FGF1: variants seen among roughly 807,000 people sequenced by gnomAD.
FGF1 encodes beta-endothelial cell growth factor.
In FGF1, 9 loss-of-function variants were observed where a neutral mutation model predicts 13.4. The observed-to-expected ratio is 0.67, with a 90% confidence interval of 0.40 to 1.17. The LOEUF is 1.17. Ranked by LOEUF, FGF1 falls within the 50% of genes most tolerant of loss-of-function variation. FGF1 has a pLI of 0.01. For missense variants in FGF1, 156 were observed against 192.7 expected (o/e 0.81, Z 1.13); for synonymous variants, 93 against 79.0 (o/e 1.18, Z -0.94).
chr5:142,634,284 A>G lies in FGF1; in HGVS notation c.-34-20123T>C, dbSNP rs537654293. On this transcript the variant is annotated intron_variant, in intron 1 of 3. Transcript: ENST00000337706. ...TTTATCCACTGTGACCACATCTCCC[A>G]CTTATTAAATGCAGGGCTTTTGTGC... is the stretch of plus-strand genomic sequence containing the variant. Among the ~76,000 whole-genome samples, 3 of 151,814 alleles carry G rather than the reference A, an allele frequency of 2.0e-5. 1 individual carries two copies. In the South Asian group the frequency reaches 6.3e-4, roughly 32 times the overall value.
chr5:142,662,813 T>A (rs1769510163), intron 1 of FGF1, among the ~76,000 whole-genome samples: 1 of 152,096 alleles, frequency 6.6e-6, no homozygotes, highest in Non-Finnish European at 1.5e-5. Context: ...CAGTAAAGGT[T>A]TAGAGTATTA....
intron 2 of FGF1, among the ~76,000 whole-genome samples, chr5:142,613,453 G>A (rs1759513701): frequency 6.6e-6 from 1 of 152,254 alleles, no homozygotes; most frequent in African/African-American, 2.4e-5. Context: ...TACGCAGAGG[G>A]AAAGCTGCAT....
intron 2 of FGF1, among the ~76,000 whole-genome samples, chr5:142,605,146 T>C (rs1256324217): frequency 3.3e-5 from 5 of 152,146 alleles, no homozygotes; most frequent in African/African-American, 1.2e-4. Context: ...CTCACTCTGT[T>C]GCCCAGGCTG....
At chr5:142,602,139 A>C (rs1187655953) in intron 2 of FGF1, among the ~76,000 whole-genome samples, 1 of 151,028 alleles carries the variant, frequency 6.6e-6, no homozygotes, top group East Asian at 1.9e-4. Flanking sequence ...TGGTTGGTAG[A>C]TCTCGACCCC....
chr5:142,612,919 A>G (rs1759391724), intron 2 of FGF1, among the ~76,000 whole-genome samples: 2 of 152,338 alleles, frequency 1.3e-5, no homozygotes, highest in Admixed American at 6.5e-5. Flanking sequence ...TGCATGGTCC[A>G]TGAATAATTA....
At chr5:142,635,864 G>A (rs1391242982) in intron 1 of FGF1, among the ~76,000 whole-genome samples, 1 of 152,214 alleles carries the variant, frequency 6.6e-6, no homozygotes, top group Non-Finnish European at 1.5e-5. Flanking sequence ...AGGAAGGGAA[G>A]GCTTGATTAT....
chr5:142,640,429 G>GGGC (rs1764991580), intron 1 of FGF1, among the ~76,000 whole-genome samples: 1 of 150,036 alleles, frequency 6.7e-6, no homozygotes, highest in Non-Finnish European at 1.5e-5. Context: ...AGTATGGTGG[G>GGGC]GGGGGGGGTC....
intron 1 of FGF1, 122 bp from the exon 2 acceptor site, chr5:142,614,283 C>T (rs1402638779): frequency 4.3e-6 from 3 of 703,980 alleles, no homozygotes; most frequent in Non-Finnish European, 7.0e-6. Flanking sequence ...CACAGCCTGC[C>T]CAGGTGATGC....
At chr5:142,662,022 C>A (rs1769344433) in intron 1 of FGF1, among the ~76,000 whole-genome samples, 1 of 151,524 alleles carries the variant, frequency 6.6e-6, no homozygotes, top group African/African-American at 2.4e-5. Context: ...AAACAAAAAA[C>A]ACACAGACAA....
intron 1 of FGF1, among the ~76,000 whole-genome samples, chr5:142,629,525 C>T (rs1445453942): frequency 5.3e-5 from 8 of 152,118 alleles, no homozygotes; most frequent in Non-Finnish European, 8.8e-5. Flanking sequence ...AATCTAATTG[C>T]GTTAGGCCCA....
In FGF1 at chr5:142,595,293, A is replaced by T. The variant is rs1450056118; in HGVS notation, c.465T>A (p.Asp155Glu). Residue 155 changes from aspartate (D) to glutamate (E), a missense_variant, in exon 4 of 4, where the codon GAT becomes GAA. Transcript: ENST00000337706. ...ILFLPLPVSSD is the reference protein window; with the variant it reads ...ILFLPLPVSSE ...TCAACACCCAGAACAGATCTCTTTA[A>T]TCAGAAGAGACTGGCAGGGGGAGAA... is the stretch of plus-strand genomic sequence containing the variant. 1 of 1,613,352 alleles carries T rather than the reference A, an allele frequency of 6.2e-7. No homozygotes were observed. Among genetic ancestry groups the T allele is most frequent in the Admixed American group, 1.7e-5 (1 of 59,996 alleles).
intron 3 of FGF1, among the ~76,000 whole-genome samples, chr5:142,600,497 A>G (rs987910620): frequency 4.6e-5 from 7 of 152,252 alleles, no homozygotes; most frequent in African/African-American, 1.7e-4. Flanking sequence ...ATATGATAAT[A>G]CATTTGAGAG....
chr5:142,649,044 A>G (rs1199297090), intron 1 of FGF1, among the ~76,000 whole-genome samples: 1 of 152,234 alleles, frequency 6.6e-6, no homozygotes, highest in African/African-American at 2.4e-5. Flanking sequence ...AAAGGAAAAT[A>G]AGAAACACCT....
intron 2 of FGF1, among the ~76,000 whole-genome samples, chr5:142,609,143 G>T (rs1758498060): frequency 6.6e-6 from 1 of 152,176 alleles, no homozygotes; most frequent in African/African-American, 2.4e-5. Flanking sequence ...TCATGAAGAG[G>T]AATCTGCCCT....
intron 2 of FGF1, among the ~76,000 whole-genome samples, chr5:142,695,788 G>A (rs1372785508): frequency 6.6e-6 from 1 of 151,962 alleles, no homozygotes; most frequent in East Asian, 1.9e-4. Context: ...GAGAATTCAA[G>A]CTGTGAGAGA....
intron 1 of FGF1, among the ~76,000 whole-genome samples, chr5:142,680,292 T>C (rs1773467452): frequency 6.6e-6 from 1 of 151,824 alleles, no homozygotes. Context: ...TTGAATGAAA[T>C]AAAAATAAGG....
At chr5:142,634,867 TTTTTTTC>T (rs1014083511) in intron 1 of FGF1, among the ~76,000 whole-genome samples, 58 of 151,998 alleles carry the variant, frequency 3.8e-4, no homozygotes, top group African/African-American at 1.3e-3. Context: ...GTTATTGCTT[TTTTTTTC>T]TTTTTTTTTT....
intron 1 of FGF1, among the ~76,000 whole-genome samples, chr5:142,619,701 C>T (rs34017): frequency 0.12 from 17,946 of 151,876 alleles, 1,095 homozygotes; most frequent in East Asian, 0.18. Context: ...GGCATGGTGG[C>T]GCATGCCTGT....
chr5:142,682,983 G>C (rs1301564094), intron 1 of FGF1, among the ~76,000 whole-genome samples: 1 of 152,070 alleles, frequency 6.6e-6, no homozygotes, highest in Non-Finnish European at 1.5e-5. Flanking sequence ...TTCCTTCTCT[G>C]TGGTTGTTTG....
Sources: allele counts gnomAD v4.1 joint callset (sites outside exome capture counted in the v4.1 genomes callset), GRCh38; gene constraint gnomAD v4.1.1; transcripts MANE v1.5; gene names NCBI Gene and HGNC (gene_info 2026-07-23, HGNC 2026-07-21).